The following MBOAT1 variants were observed in gnomAD, a reference collection of about 807,000 sequenced individuals.
MBOAT1 encodes the protein membrane-bound glycerophospholipid O-acyltransferase 1.
MBOAT1 carries 67 observed loss-of-function variants against 64.4 expected under a neutral mutation model. The ratio of observed to expected loss-of-function variants is 1.04; its 90% confidence interval spans 0.85 to 1.27. The LOEUF (loss-of-function observed/expected upper bound fraction) is 1.27. MBOAT1 is among the 50% of genes most tolerant of loss of function. The pLI is 0.00. For missense variants in MBOAT1, 563 were observed against 604.6 expected (o/e 0.93, Z 0.72); for synonymous variants, 229 against 218.9 (o/e 1.05, Z -0.41).
In MBOAT1 at chr6:20,100,191, T is replaced by TA. The variant is rs369469841; in HGVS notation, c.*2094dup. ...TTCTTCTTTCAGACATGAGGATACT[T>TA]ACATTACATACAGTGAAACCTGATC... is the stretch of plus-strand genomic sequence containing the variant. On this transcript the variant is annotated 3_prime_UTR_variant, in exon 13 of 13. Coordinates refer to ENST00000324607, the MANE Select transcript of MBOAT1 (RefSeq NM_001080480.3). Among the ~76,000 whole-genome samples the TA allele has an allele frequency of 5.3e-5, 8 of 152,342 alleles. 1 individual carries two copies. Among genetic ancestry groups the TA allele is most frequent in the African/African-American group, 1.9e-4 (8 of 41,574 alleles).
rs764576495 is a variant in MBOAT1 at position 20,128,756 on chromosome 6, A to G, written c.476-3T>C. On this transcript the variant is annotated splice_polypyrimidine_tract_variant and splice_region_variant and intron_variant, in intron 5 of 12. Coordinates refer to ENST00000324607, the MANE Select transcript of MBOAT1 (RefSeq NM_001080480.3). ...GTCTTCAGCTCTTCGACCTAATCCT[A>G]TGAAAAAGAAAAGAATTTAGAAATA... is the stretch of plus-strand genomic sequence containing the variant. 7 of 1,593,202 alleles carry G rather than the reference A, an allele frequency of 4.4e-6. No homozygotes were observed. The South Asian group carries it at 4.6e-5, about 11-fold the overall frequency.
chr6:20,112,096 G>A (rs983125270), intron 11 of MBOAT1, among the ~76,000 whole-genome samples: 33 of 150,940 alleles, frequency 2.2e-4, no homozygotes, highest in African/African-American at 7.1e-4. Context: ...CTCAACCAAC[G>A]TCAATAAAAA....
At chr6:20,119,346 T>G (rs1414569380) in intron 8 of MBOAT1, among the ~76,000 whole-genome samples, 2 of 152,234 alleles carry the variant, frequency 1.3e-5, no homozygotes, top group African/African-American at 4.8e-5. Flanking sequence ...TCAACTCACT[T>G]TTTTTATTAT....
intron 1 of MBOAT1, among the ~76,000 whole-genome samples, chr6:20,199,708 G>A (rs1028165118): frequency 6.6e-6 from 1 of 152,132 alleles, no homozygotes; most frequent in South Asian, 2.1e-4. Context: ...GGTGGCTCAC[G>A]CCCATAATCC....
At position 20,110,551 on chromosome 6, in the gene MBOAT1, T is replaced by C. The variant is rs143591156; in HGVS notation, c.1210-802A>G. ...ATTAAAATAATAATAATAATAATAA[T>C]ATGTGTTCACTGTAGAAAAATGGTC... On this transcript the variant is annotated intron_variant, in intron 11 of 12. Transcript: ENST00000324607. Among the ~76,000 whole-genome samples the C allele has an allele frequency of 6.6e-5, 10 of 151,666 alleles. No homozygotes were observed. The East Asian group carries it at 1.7e-3, about 26-fold the overall frequency.
intron 4 of MBOAT1, among the ~76,000 whole-genome samples, chr6:20,134,155 A>G (rs990026756): frequency 6.6e-6 from 1 of 151,936 alleles, no homozygotes; most frequent in Admixed American, 6.6e-5. Flanking sequence ...AGCCTCATCC[A>G]TTTCCCTCTC....
At chr6:20,113,789 CAAAT>C (rs971980755) in intron 10 of MBOAT1, among the ~76,000 whole-genome samples, 1 of 149,388 alleles carries the variant, frequency 6.7e-6, no homozygotes, top group African/African-American at 2.5e-5. Flanking sequence ...AATGAGAGGT[CAAAT>C]AAATAAAAAT....
chr6:20,148,725 T>TA (rs34302942), intron 3 of MBOAT1, among the ~76,000 whole-genome samples: 54 of 152,300 alleles, frequency 3.5e-4, no homozygotes, highest in African/African-American at 1.2e-3. Context: ...GTTGAGATTT[T>TA]AAAAAAATTT....
intron 1 of MBOAT1, among the ~76,000 whole-genome samples, chr6:20,186,597 C>T (rs1032922618): frequency 4.6e-5 from 7 of 152,196 alleles, no homozygotes; most frequent in Non-Finnish European, 8.8e-5. Context: ...ACAAGGCCAG[C>T]CTGAAATGTC....
intron 7 of MBOAT1, among the ~76,000 whole-genome samples, chr6:20,125,674 T>A (rs1255610408): frequency 6.6e-6 from 1 of 152,202 alleles, no homozygotes; most frequent in Non-Finnish European, 1.5e-5. Context: ...CCTAGATCGT[T>A]TTGGTAAAGC....
chr6:20,186,908 A>G (rs1434240335), intron 1 of MBOAT1, among the ~76,000 whole-genome samples: 2 of 152,258 alleles, frequency 1.3e-5, no homozygotes, highest in African/African-American at 2.4e-5. Context: ...TGAGCCTTTC[A>G]GCTTTAAGCA....
intron 1 of MBOAT1, among the ~76,000 whole-genome samples, chr6:20,195,876 C>T (rs189856738): frequency 2.7e-4 from 41 of 152,176 alleles, no homozygotes; most frequent in Middle Eastern, 3.4e-3. Flanking sequence ...ATCCAGGTGA[C>T]CTAGAGTTTG....
intron 4 of MBOAT1, among the ~76,000 whole-genome samples, chr6:20,139,026 T>C (rs1460834490): frequency 1.3e-5 from 2 of 152,198 alleles, no homozygotes; most frequent in Non-Finnish European, 2.9e-5. Context: ...TATGCATGTG[T>C]GTGAGTCTGT....
At chr6:20,143,999 T>C (rs978814300) in intron 4 of MBOAT1, among the ~76,000 whole-genome samples, 12 of 152,202 alleles carry the variant, frequency 7.9e-5, no homozygotes, top group Non-Finnish European at 1.6e-4. Flanking sequence ...AGGACAGATA[T>C]GGCGCACAGG....
chr6:20,212,162 C>G lies in MBOAT1; in HGVS notation c.73G>C (p.Glu25Gln), dbSNP rs1763451095. 1 of 1,613,624 alleles carries G rather than the reference C, an allele frequency of 6.2e-7. No homozygotes were observed. ...TGGTCCAGCGGGATGCCCAGGAGCT[C>G]GCTGAGCGGGTGCAGGTAGGTGGAG... ...TGSTYLHPLS[E>Q]LLGIPLDQVN... The change falls in exon 1 of 13, where the codon GAG (glutamate) becomes CAG (glutamine). Residue 25 changes from glutamate to glutamine, a missense_variant. Glu to Gln is a conservative substitution (Grantham distance 29). Transcript: ENST00000324607.
At chr6:20,200,565 T>G (rs1763092875) in intron 1 of MBOAT1, among the ~76,000 whole-genome samples, 1 of 152,110 alleles carries the variant, frequency 6.6e-6, no homozygotes. Context: ...TAATGTCCCT[T>G]ACGTCCATGT....
intron 1 of MBOAT1, among the ~76,000 whole-genome samples, chr6:20,163,837 T>G (rs1761934035): frequency 6.6e-6 from 1 of 152,020 alleles, no homozygotes; most frequent in Non-Finnish European, 1.5e-5. Context: ...GGGGCCCATC[T>G]AAAAATAAGA....
intron 9 of MBOAT1, among the ~76,000 whole-genome samples, chr6:20,116,126 G>A (rs1397944519): frequency 6.6e-6 from 1 of 152,188 alleles, no homozygotes; most frequent in Non-Finnish European, 1.5e-5. Flanking sequence ...GAGGTCAGGA[G>A]TTCAAGACCA....
At chr6:20,133,948 T>G (rs1276750526) in intron 4 of MBOAT1, among the ~76,000 whole-genome samples, 1 of 152,102 alleles carries the variant, frequency 6.6e-6, no homozygotes, top group Non-Finnish European at 1.5e-5. Context: ...TATGACTGAG[T>G]GCAGTAGGGA....
Sources: allele counts gnomAD v4.1 joint callset (sites outside exome capture counted in the v4.1 genomes callset), GRCh38; gene constraint gnomAD v4.1.1; transcripts MANE v1.5; gene names NCBI Gene and HGNC (gene_info 2026-07-23, HGNC 2026-07-21).